AP3B1: variants seen among roughly 807,000 people sequenced by gnomAD.
The protein encoded by AP3B1 is adaptor related protein complex 3 subunit beta 1.
AP3B1 carries 61 observed loss-of-function variants against 132.5 expected under a neutral mutation model. The ratio of observed to expected loss-of-function variants is 0.46; its 90% CI spans 0.37 to 0.57. The LOEUF is 0.57. Among genes scored for constraint, AP3B1 ranks in the 20% least tolerant of loss-of-function variants. The probability of loss-of-function intolerance (pLI) is 0.00; values close to 1 mark genes in which losing one functional copy is unlikely to be tolerated. For synonymous variants in AP3B1, 388 were observed against 438.3 expected (o/e 0.89, Z 1.43); for missense variants, 1,120 against 1,289.4 (o/e 0.87, Z 2.01).
At chr5:78,220,695 TA>T (rs367902480) in intron 6 of AP3B1, among the ~76,000 whole-genome samples, 6,553 of 137,096 alleles carry the variant, frequency 0.048, 297 homozygotes, top group African/African-American at 0.13. Context: ...AAAATTAGCT[TA>T]AAAAAAAAAA....
intron 8 of AP3B1, 61 bp downstream of exon 8, chr5:78,181,446 T>C (rs1472135372): frequency 4.0e-6 from 6 of 1,500,926 alleles, no homozygotes; most frequent in Non-Finnish European, 5.5e-6. Context: ...TAAATTGAGA[T>C]ATTTTTAATT....
At chr5:78,153,544 A>G (rs1216846547) in intron 14 of AP3B1, among the ~76,000 whole-genome samples, 1 of 151,946 alleles carries the variant, frequency 6.6e-6, no homozygotes, top group African/African-American at 2.4e-5. Context: ...TAGTCCATTT[A>G]CATTCAATGT....
chr5:78,009,558 T>C (rs1199016781), intron 26 of AP3B1, among the ~76,000 whole-genome samples: 1 of 152,154 alleles, frequency 6.6e-6, no homozygotes. Context: ...TCTTTATGTG[T>C]GTTGATAAAT....
chr5:78,039,777 C>CAAAAAAAAAAAAAAA (rs1253462843), intron 22 of AP3B1, among the ~76,000 whole-genome samples: 1 of 71,222 alleles, frequency 1.4e-5, no homozygotes, highest in African/African-American at 5.5e-5. Flanking sequence ...GACTCCGTCT[C>CAAAAAAAAAAAAAAA]AAAAAAAAAA....
At chr5:78,045,975 C>A (rs879391938) in intron 22 of AP3B1, among the ~76,000 whole-genome samples, 1 of 152,152 alleles carries the variant, frequency 6.6e-6, no homozygotes, top group Non-Finnish European at 1.5e-5. Flanking sequence ...TCCTTGACTG[C>A]TTTTTTACTC....
At chr5:78,208,296 A>G (rs994129239) in intron 7 of AP3B1, among the ~76,000 whole-genome samples, 3 of 152,210 alleles carry the variant, frequency 2.0e-5, no homozygotes, top group African/African-American at 4.8e-5. Flanking sequence ...TGACAACTGT[A>G]CTAGTCAGAA....
chr5:78,178,209 T>G (rs1303504182), intron 8 of AP3B1, among the ~76,000 whole-genome samples: 4 of 152,178 alleles, frequency 2.6e-5, no homozygotes, highest in African/African-American at 9.7e-5. Flanking sequence ...TCAGCACATT[T>G]AAGTTACAAT....
At chr5:78,211,322 A>G (rs1745727279) in intron 7 of AP3B1, among the ~76,000 whole-genome samples, 1 of 152,218 alleles carries the variant, frequency 6.6e-6, no homozygotes, top group Non-Finnish European at 1.5e-5. Flanking sequence ...AAAATTATGG[A>G]AAATGCACTG....
chr5:78,089,596 A>G (rs1750424718), intron 21 of AP3B1, 97 bp from the exon 22 acceptor site: 1 of 796,064 alleles, frequency 1.3e-6, no homozygotes, highest in South Asian at 1.5e-5. Flanking sequence ...TAATTAAATT[A>G]CTTTGATTAA....
intron 7 of AP3B1, among the ~76,000 whole-genome samples, chr5:78,215,383 A>C (rs1370568246): frequency 6.6e-6 from 1 of 152,108 alleles, no homozygotes; most frequent in South Asian, 2.1e-4. Context: ...CTTAATTACA[A>C]GTTATATGAT....
At chr5:78,131,247 T>C (rs1374907605) in intron 15 of AP3B1, among the ~76,000 whole-genome samples, 1 of 151,972 alleles carries the variant, frequency 6.6e-6, no homozygotes, top group African/African-American at 2.4e-5. Flanking sequence ...CATTTTTATA[T>C]GGCCTAAGTT....
In AP3B1 at chr5:78,162,803, G is replaced by A; in HGVS notation, c.1363+16C>T. On this transcript the variant is annotated intron_variant, in intron 13 of 26. Coordinates refer to ENST00000255194, the MANE Select transcript of AP3B1 (RefSeq NM_003664.5). ...AATTTAAATCACCTGAAAATAAAAT[G>A]AAACTGTAAACTTACCATCCCTGTT... 6.2e-7 allele frequency: 1 copy of A among 1,613,040 alleles called. No homozygotes were observed. Among genetic ancestry groups the A allele is most frequent in the Non-Finnish European group, 8.5e-7 (1 of 1,179,498 alleles).
At position 78,015,477 on chromosome 5, in the gene AP3B1, T is replaced by C. The variant is rs554702848; in HGVS notation, c.3064A>G (p.Ile1022Val). The change falls in exon 26 of 27, where the codon ATC (isoleucine) becomes GTC (valine). Residue 1022 changes from isoleucine (I) to valine (V), a missense_variant. Physicochemically the swap from Ile to Val is conservative, Grantham distance 29 (BLOSUM62 3). Around this residue, in one of 3 missense-constraint regions of AP3B1, gnomAD observed 906 missense variants for 997.1 expected, o/e 0.91. Coordinates refer to ENST00000255194, the MANE Select transcript of AP3B1 (RefSeq NM_003664.5). ...AAPQNFTPSV[I>V]FQKVVNVANV... ...GCTACATTTACAACCTTCTGAAAGATCACAGAGGGAGTGAAATTCTGTGGT... is the reference window on the plus strand; with the variant it reads ...GCTACATTTACAACCTTCTGAAAGACCACAGAGGGAGTGAAATTCTGTGGT... 3 of 1,613,862 alleles carry C rather than the reference T, an allele frequency of 1.9e-6. No individual in the cohort carries two copies. The highest frequency in any genetic ancestry group is 2.5e-6 in the Non-Finnish European group (3 of 1,179,854).
chr5:78,205,822 G>A lies in AP3B1; in HGVS notation c.786+10233C>T, dbSNP rs150365724. ...GGACATACACAGAATCATGGGGATG[G>A]AGGGTGAAGAGGAAAGGGGATTTAT... is the stretch of plus-strand genomic sequence containing the variant. On this transcript the variant is annotated intron_variant, in intron 7 of 26. Transcript: ENST00000255194. 1.1e-4 allele frequency among the ~76,000 whole-genome samples: 17 copies of A among 150,800 alleles called. 1 individual carries two copies. The East Asian group carries it at 3.1e-3, about 28-fold the overall frequency.
At chr5:78,167,716 A>G (rs1743703136) in intron 11 of AP3B1, among the ~76,000 whole-genome samples, 1 of 152,130 alleles carries the variant, frequency 6.6e-6, no homozygotes, top group African/African-American at 2.4e-5. Flanking sequence ...TGGCATTCAC[A>G]GAAACTAGAT....
intron 2 of AP3B1, among the ~76,000 whole-genome samples, chr5:78,255,460 C>A (rs1747810928): frequency 9.8e-6 from 1 of 102,160 alleles, no homozygotes; most frequent in African/African-American, 3.5e-5. Flanking sequence ...CAATACCAAA[C>A]AAAATAAGAC....
At chr5:78,148,988 G>A (rs1037571215) in intron 14 of AP3B1, among the ~76,000 whole-genome samples, 1 of 152,092 alleles carries the variant, frequency 6.6e-6, no homozygotes, top group Middle Eastern at 3.4e-3. Context: ...CCATTTCGGC[G>A]GCTTTGAGAA....
chr5:78,237,200 T>A (rs1241352602), intron 3 of AP3B1, among the ~76,000 whole-genome samples: 1 of 152,162 alleles, frequency 6.6e-6, no homozygotes, highest in Non-Finnish European at 1.5e-5. Context: ...TCCTATCTAA[T>A]GAAAAAAATT....
chr5:78,079,086 T>C lies in AP3B1; in HGVS notation c.2577+10307A>G, dbSNP rs141237081. Among the ~76,000 whole-genome samples the C allele has an allele frequency of 1.2e-4, 19 of 152,356 alleles. No homozygotes were observed. The East Asian group carries it at 3.3e-3, about 26-fold the overall frequency. On this transcript the variant is annotated intron_variant, in intron 22 of 26. Coordinates refer to ENST00000255194, the MANE Select transcript of AP3B1 (RefSeq NM_003664.5). ...ATTCCACCATCTGAAAGTCAGACCA[T>C]CTGTGTCTGGCTTTGCCAAAGGCAA...
Sources: allele counts gnomAD v4.1 joint callset (sites outside exome capture counted in the v4.1 genomes callset), GRCh38; gene constraint gnomAD v4.1.1; regional missense constraint gnomAD v4.1.1; transcripts MANE v1.5; gene names NCBI Gene and HGNC (gene_info 2026-07-23, HGNC 2026-07-21).